EYA4: variants seen among roughly 807,000 people sequenced by gnomAD.
EYA4 encodes EYA transcriptional coactivator and phosphatase 4, also known as protein phosphatase EYA4.
EYA4 carries 31 observed loss-of-function variants against 87.9 expected under a neutral mutation model. The observed-to-expected ratio is 0.35, with a 90% confidence interval of 0.27 to 0.48. The LOEUF (loss-of-function observed/expected upper bound fraction) is 0.48, where lower values mean the gene tolerates loss of function less well. Ranked by LOEUF, EYA4 falls within the 20% of genes least tolerant of loss-of-function variation. EYA4 has a pLI of 0.99. For missense variants in EYA4, 678 were observed against 761.4 expected (o/e 0.89, Z 1.29); for synonymous variants, 263 against 270.6 (o/e 0.97, Z 0.28).
intron 13 of EYA4, among the ~76,000 whole-genome samples, chr6:133,493,911 T>C (rs1170746375): frequency 6.6e-6 from 1 of 152,168 alleles, no homozygotes; most frequent in Non-Finnish European, 1.5e-5. Flanking sequence ...AAATGGTTTG[T>C]ATCCAAAAGA....
intron 3 of EYA4, among the ~76,000 whole-genome samples, chr6:133,382,968 A>C (rs539810923): frequency 5.8e-4 from 89 of 152,308 alleles, no homozygotes; most frequent in African/African-American, 2.0e-3. Flanking sequence ...ATAGGAATTT[A>C]GCACCATTTA....
chr6:133,479,598 T>TA (rs1435529745), intron 11 of EYA4, among the ~76,000 whole-genome samples: 2 of 152,170 alleles, frequency 1.3e-5, no homozygotes, highest in African/African-American at 4.8e-5. Context: ...AATTTAATGA[T>TA]AAAAAATAAT....
chr6:133,460,185 C>T (rs1794255433), intron 6 of EYA4, among the ~76,000 whole-genome samples: 1 of 152,072 alleles, frequency 6.6e-6, no homozygotes, highest in Admixed American at 6.6e-5. Context: ...AAACTAATTC[C>T]AGCACTGCAT....
At chr6:133,316,878 C>T (rs1780668273) in intron 2 of EYA4, among the ~76,000 whole-genome samples, 1 of 152,162 alleles carries the variant, frequency 6.6e-6, no homozygotes, top group Non-Finnish European at 1.5e-5. Flanking sequence ...TTCCCTGGGT[C>T]CTAGTGGCTT....
intron 1 of EYA4, among the ~76,000 whole-genome samples, chr6:133,264,248 G>A (rs1776025384): frequency 1.3e-5 from 2 of 152,318 alleles, no homozygotes; most frequent in South Asian, 4.1e-4. Context: ...AAACACCCCT[G>A]GAGCCCCTTC....
intron 3 of EYA4, among the ~76,000 whole-genome samples, chr6:133,445,373 T>G (rs1792715762): frequency 6.6e-6 from 1 of 152,170 alleles, no homozygotes; most frequent in African/African-American, 2.4e-5. Context: ...TATGTTATTC[T>G]TAATTCTTTC....
At chr6:133,514,718 TATTATA>T (rs1490427364) in intron 16 of EYA4, among the ~76,000 whole-genome samples, 1 of 152,204 alleles carries the variant, frequency 6.6e-6, no homozygotes, top group Non-Finnish European at 1.5e-5. Context: ...TTAACATCAA[TATTATA>T]ATTCATGATT....
intron 3 of EYA4, among the ~76,000 whole-genome samples, chr6:133,412,774 T>C (rs1479823031): frequency 6.6e-6 from 1 of 152,192 alleles, no homozygotes; most frequent in Non-Finnish European, 1.5e-5. Context: ...CAGTCTTAAG[T>C]TCCTGTCTCC....
intron 1 of EYA4, among the ~76,000 whole-genome samples, chr6:133,271,119 C>G (rs1460138448): frequency 6.6e-6 from 1 of 152,074 alleles, no homozygotes; most frequent in African/African-American, 2.4e-5. Flanking sequence ...CCACTTCCAC[C>G]CTTGATTCGT....
chr6:133,349,993 A>G (rs1783516086), intron 2 of EYA4, among the ~76,000 whole-genome samples: 1 of 152,140 alleles, frequency 6.6e-6, no homozygotes, highest in Non-Finnish European at 1.5e-5. Context: ...AAGTTTGTAA[A>G]ATAACTTGAG....
At chr6:133,240,960 C>T (rs1267924473), upstream of EYA4, 1 of 152,114 alleles carries the variant, frequency 6.6e-6, no homozygotes, top group Non-Finnish European at 1.5e-5. Context: ...GACAGTGGCT[C>T]TCCGGCCCAG....
intron 17 of EYA4, among the ~76,000 whole-genome samples, chr6:133,518,966 A>G (rs574901324): frequency 6.6e-6 from 1 of 150,754 alleles, no homozygotes; most frequent in Non-Finnish European, 1.5e-5. Context: ...AAGACACAAC[A>G]TACCAGAATC....
At chr6:133,306,039 G>A (rs964080227) in intron 2 of EYA4, among the ~76,000 whole-genome samples, 6 of 152,060 alleles carry the variant, frequency 3.9e-5, no homozygotes, top group African/African-American at 7.2e-5. Context: ...GATCACAGAC[G>A]ACATTGTGCC....
At chr6:133,409,478 G>A (rs76460705) in intron 3 of EYA4, among the ~76,000 whole-genome samples, 2,837 of 152,220 alleles carry the variant, frequency 0.019, 86 homozygotes, top group African/African-American at 0.058. Context: ...TGGAATACAC[G>A]TACTTTCTAT....
In EYA4 at chr6:133,299,536, C is replaced by T. The variant is rs951343092; in HGVS notation, c.33+24723C>T. On this transcript the variant is annotated intron_variant, in intron 2 of 19. Coordinates refer to ENST00000355286, the MANE Select transcript of EYA4 (RefSeq NM_004100.5). ...ACCATCCTAGCTAACACGGTGAAAC[C>T]CCGTCTCTACTAAAAATACACAAAA... is the stretch of plus-strand genomic sequence containing the variant. Among the ~76,000 whole-genome samples, 11 of 151,574 alleles carry T rather than the reference C, an allele frequency of 7.3e-5. No individual in the cohort carries two copies. The East Asian group carries it at 7.8e-4, about 11-fold the overall frequency.
At chr6:133,455,037 T>C (rs1793783690) in intron 5 of EYA4, among the ~76,000 whole-genome samples, 1 of 152,186 alleles carries the variant, frequency 6.6e-6, no homozygotes, top group South Asian at 2.1e-4. Context: ...AAAATGGTTA[T>C]AGTGATTTGT....
intron 2 of EYA4, among the ~76,000 whole-genome samples, chr6:133,335,301 G>A (rs957527759): frequency 2.0e-5 from 3 of 152,162 alleles, no homozygotes; most frequent in African/African-American, 7.2e-5. Flanking sequence ...GACTTTGATT[G>A]CTAGTTTATA....
At chr6:133,467,893 G>A (rs1019753570) in intron 10 of EYA4, among the ~76,000 whole-genome samples, 21 of 151,906 alleles carry the variant, frequency 1.4e-4, no homozygotes, top group African/African-American at 4.8e-4. Flanking sequence ...ATAAAAAGCA[G>A]GTCAGGGGTG....
intron 3 of EYA4, among the ~76,000 whole-genome samples, chr6:133,406,402 C>T (rs182775908): frequency 9.1e-4 from 138 of 152,304 alleles, no homozygotes; most frequent in Non-Finnish European, 1.6e-3. Context: ...ACAATGCCAA[C>T]GGCACATCAT....
Sources: gnomAD v4.1 joint callset for allele counts (sites outside exome capture counted in the v4.1 genomes callset) on GRCh38, gnomAD v4.1.1 for gene constraint, MANE v1.5 for transcripts, NCBI Gene and HGNC (gene_info 2026-07-23, HGNC 2026-07-21) for gene names.